ZBTB7C: variants seen among roughly 807,000 people sequenced by gnomAD.
ZBTB7C encodes zinc finger and BTB domain containing 7C.
Under a neutral mutation model 25.7 loss-of-function variants are expected in ZBTB7C, and 8 were observed. The observed-to-expected ratio is 0.31, with a 90% CI of 0.18 to 0.56. The LOEUF (loss-of-function observed/expected upper bound fraction) is 0.56, where lower values mean the gene tolerates loss of function less well. ZBTB7C is among the 20% of genes least tolerant of loss of function. The pLI, the probability that ZBTB7C is intolerant of heterozygous loss-of-function variation, is 0.91. For synonymous variants in ZBTB7C, 394 were observed against 369.0 expected, an observed-to-expected ratio of 1.07 and a Z score of -0.78; for missense variants, 824 against 855.2, an observed-to-expected ratio of 0.96 and a Z score of 0.46.
chr18:48,206,991 C>T (rs1463728730), intron 2 of ZBTB7C, among the ~76,000 whole-genome samples: 3 of 151,766 alleles, frequency 2.0e-5, no homozygotes, highest in Non-Finnish European at 4.4e-5. Context: ...AGAAAGACAA[C>T]AAATAAGAAA....
At chr18:48,345,898 T>C (rs1468964964) in intron 1 of ZBTB7C, among the ~76,000 whole-genome samples, 3 of 152,224 alleles carry the variant, frequency 2.0e-5, no homozygotes, top group African/African-American at 7.2e-5. Flanking sequence ...TCTATAAAAA[T>C]GTTAAAATGG....
intron 3 of ZBTB7C, among the ~76,000 whole-genome samples, chr18:48,174,922 A>G (rs911865015): frequency 6.6e-6 from 1 of 152,216 alleles, no homozygotes; most frequent in South Asian, 2.1e-4. Flanking sequence ...AGCAGAAAAC[A>G]ATTAAATTGG....
chr18:48,289,386 C>G (rs1402511240), intron 2 of ZBTB7C, among the ~76,000 whole-genome samples: 2 of 152,094 alleles, frequency 1.3e-5, no homozygotes, highest in Non-Finnish European at 2.9e-5. Flanking sequence ...GTTGGATGAT[C>G]TGTGGAATAT....
chr18:48,056,699 CAAAAT>C (rs1017777487), intron 3 of ZBTB7C, among the ~76,000 whole-genome samples: 14 of 151,922 alleles, frequency 9.2e-5, no homozygotes, highest in Non-Finnish European at 2.1e-4. Context: ...CAAAACAAAA[CAAAAT>C]AAAACTTGTA....
intron 1 of ZBTB7C, among the ~76,000 whole-genome samples, chr18:48,395,280 T>TG (rs1323974123): frequency 4.5e-5 from 2 of 44,450 alleles, no homozygotes; most frequent in Non-Finnish European, 1.2e-4. Context: ...TGTGTGTGTG[T>TG]GTGTGTGTGT....
chr18:48,370,285 A>C (rs576169382), intron 1 of ZBTB7C, among the ~76,000 whole-genome samples: 32 of 152,334 alleles, frequency 2.1e-4, no homozygotes, highest in Admixed American at 1.2e-3. Flanking sequence ...ACGAATCTTC[A>C]GGGAATTATG....
At chr18:48,403,163 G>T (rs532404878) in intron 1 of ZBTB7C, among the ~76,000 whole-genome samples, 54 of 152,338 alleles carry the variant, frequency 3.5e-4, no homozygotes, top group African/African-American at 1.3e-3. Flanking sequence ...CAGTATGCTT[G>T]GAGCTCTTGC....
rs1210152013 is a variant in ZBTB7C, at chr18:48,371,521, G to A, written c.-303-33123C>T. 2.6e-5 allele frequency among the ~76,000 whole-genome samples: 4 copies of A among 152,200 alleles called. No homozygotes were observed. In the South Asian group the frequency reaches 6.2e-4, roughly 24 times the overall value. The stretch of plus-strand genomic sequence containing the variant: ...TCAAGTCTCCTCCTCCTGGCTGCCG[G>A]TTTTGGGACATTTGTCCCTTAGCCT... On this transcript the variant is annotated intron_variant, in intron 1 of 4. Coordinates refer to ENST00000590800, the MANE Select transcript of ZBTB7C (RefSeq NM_001318841.2).
At chr18:48,370,470 T>C (rs952199977) in intron 1 of ZBTB7C, among the ~76,000 whole-genome samples, 2 of 152,196 alleles carry the variant, frequency 1.3e-5, no homozygotes, top group African/African-American at 2.4e-5. Flanking sequence ...GAGAGAATCC[T>C]TGTAGTGATG....
intron 2 of ZBTB7C, among the ~76,000 whole-genome samples, chr18:48,309,849 C>T (rs1464572095): frequency 6.6e-6 from 1 of 152,168 alleles, no homozygotes; most frequent in Non-Finnish European, 1.5e-5. Context: ...GTAGTTTCTC[C>T]CCTAGGAAAT....
At chr18:48,383,614 T>C (rs532874517) in intron 1 of ZBTB7C, among the ~76,000 whole-genome samples, 2 of 152,186 alleles carry the variant, frequency 1.3e-5, no homozygotes, top group South Asian at 4.1e-4. Context: ...TAGAAGAATA[T>C]TTTTCACTAC....
chr18:48,373,685 G>C (rs1481903886), intron 1 of ZBTB7C, among the ~76,000 whole-genome samples: 1 of 152,160 alleles, frequency 6.6e-6, no homozygotes, highest in African/African-American at 2.4e-5. Flanking sequence ...CTGTGGGCCG[G>C]GCACTATGGC....
intron 2 of ZBTB7C, among the ~76,000 whole-genome samples, chr18:48,209,753 T>A (rs757405468): frequency 5.5e-5 from 8 of 145,946 alleles, no homozygotes; most frequent in Non-Finnish European, 1.1e-4. Flanking sequence ...AGATCTTGTC[T>A]CTTAAAAAAA....
At chr18:48,118,589 G>T (rs539834712) in intron 3 of ZBTB7C, among the ~76,000 whole-genome samples, 1 of 152,266 alleles carries the variant, frequency 6.6e-6, no homozygotes, top group Admixed American at 6.5e-5. Context: ...AACAATCAGT[G>T]TTCCTGAGCC....
At chr18:48,196,840 A>C (rs991519632) in intron 2 of ZBTB7C, among the ~76,000 whole-genome samples, 3 of 152,236 alleles carry the variant, frequency 2.0e-5, no homozygotes, top group Non-Finnish European at 4.4e-5. Flanking sequence ...GAGAAGAAGG[A>C]AAATGCCCTT....
chr18:48,089,462 A>G (rs1005063960), intron 3 of ZBTB7C, among the ~76,000 whole-genome samples: 13 of 144,312 alleles, frequency 9.0e-5, no homozygotes, highest in African/African-American at 3.3e-4. Context: ...ACAGAGCGAG[A>G]CTCAAGACTC....
intron 2 of ZBTB7C, among the ~76,000 whole-genome samples, chr18:48,248,242 T>C (rs757227675): frequency 6.6e-6 from 1 of 152,076 alleles, no homozygotes; most frequent in African/African-American, 2.4e-5. Context: ...TCCACCATGA[T>C]TGTAATTTTC....
chr18:48,348,188 C>T (rs72913580), intron 1 of ZBTB7C, among the ~76,000 whole-genome samples: 9,549 of 152,332 alleles, frequency 0.063, 339 homozygotes, highest in Non-Finnish European at 0.074. Context: ...GGGGATGTTA[C>T]ACACTGTTAG....
At chr18:48,128,921 A>G (rs1185018155) in intron 3 of ZBTB7C, among the ~76,000 whole-genome samples, 1 of 152,000 alleles carries the variant, frequency 6.6e-6, no homozygotes, top group Admixed American at 6.6e-5. Flanking sequence ...AAATACAGAC[A>G]CCCTGAGAAG....
Sources: gnomAD v4.1 joint callset for allele counts (sites outside exome capture counted in the v4.1 genomes callset) on GRCh38, gnomAD v4.1.1 for gene constraint, MANE v1.5 for transcripts, NCBI Gene and HGNC (gene_info 2026-07-23, HGNC 2026-07-21) for gene names.